The following PCDH9 variants were observed in gnomAD, a reference collection of about 807,000 sequenced individuals.
PCDH9 encodes the protein protocadherin-9.
A neutral mutation model predicts 70.6 loss-of-function variants in PCDH9; 24 were observed. The observed-to-expected ratio is 0.34, with a 90% confidence interval of 0.25 to 0.48. PCDH9 has a LOEUF of 0.48. PCDH9 is among the 20% of genes least tolerant of loss of function. The pLI is 0.99. For missense variants in PCDH9, 1,281 were observed against 1,503.6 expected (o/e 0.85, Z 2.45); for synonymous variants, 562 against 558.5 (o/e 1.01, Z -0.09).
intron 3 of PCDH9, among the ~76,000 whole-genome samples, chr13:66,895,352 A>G (rs2082160239): frequency 6.6e-6 from 1 of 152,216 alleles, no homozygotes; most frequent in South Asian, 2.1e-4. Context: ...ACTCAACATA[A>G]GCACACTTTT....
At chr13:67,158,934 C>G (rs1276936245) in intron 2 of PCDH9, among the ~76,000 whole-genome samples, 1 of 152,168 alleles carries the variant, frequency 6.6e-6, no homozygotes, top group Non-Finnish European at 1.5e-5. Flanking sequence ...GACGAAATAA[C>G]AGTCTCCCTG....
At chr13:66,570,810 G>T (rs1160800488) in intron 4 of PCDH9, among the ~76,000 whole-genome samples, 1 of 151,826 alleles carries the variant, frequency 6.6e-6, no homozygotes, top group Non-Finnish European at 1.5e-5. Context: ...ATTTAAAAAA[G>T]GTATTTATTT....
intron 2 of PCDH9, among the ~76,000 whole-genome samples, chr13:67,130,457 A>G (rs893516799): frequency 6.6e-6 from 1 of 152,132 alleles, no homozygotes; most frequent in African/African-American, 2.4e-5. Flanking sequence ...TATTGTTAGT[A>G]CAAACTGCAC....
At chr13:66,341,301 C>CCAGG (rs1395479025) in intron 4 of PCDH9, among the ~76,000 whole-genome samples, 1 of 152,022 alleles carries the variant, frequency 6.6e-6, no homozygotes, top group African/African-American at 2.4e-5. Context: ...ACTTTGTTAC[C>CCAGG]CAGGCTGCTC....
intron 3 of PCDH9, among the ~76,000 whole-genome samples, chr13:66,902,303 G>A (rs946603841): frequency 7.9e-5 from 12 of 151,370 alleles, no homozygotes; most frequent in Non-Finnish European, 1.8e-4. Context: ...GAGAATTAGG[G>A]GATAGAGCTG....
intron 3 of PCDH9, among the ~76,000 whole-genome samples, chr13:66,715,565 A>G (rs1360043705): frequency 4.6e-5 from 7 of 152,172 alleles, no homozygotes; most frequent in Non-Finnish European, 5.9e-5. Context: ...TAACTCCATA[A>G]TTTACATGGC....
intron 2 of PCDH9, among the ~76,000 whole-genome samples, chr13:66,962,410 CACTT>C (rs34820050): frequency 0.53 from 80,177 of 151,574 alleles, 21,560 homozygotes; most frequent in East Asian, 0.64. Flanking sequence ...AGTCATGTGT[CACTT>C]AATGAGGGTG....
chr13:66,521,080 A>T (rs1959966835), intron 4 of PCDH9, among the ~76,000 whole-genome samples: 1 of 152,172 alleles, frequency 6.6e-6, no homozygotes, highest in African/African-American at 2.4e-5. Context: ...TAGGCAGCCA[A>T]CAGCCTCCCC....
chr13:66,611,145 A>C (rs186184247), intron 4 of PCDH9, among the ~76,000 whole-genome samples: 1 of 152,314 alleles, frequency 6.6e-6, no homozygotes, highest in Admixed American at 6.5e-5. Flanking sequence ...CCAATGCCTG[A>C]ACTTTAGGAA....
At chr13:66,349,946 T>C (rs141866453) in intron 4 of PCDH9, among the ~76,000 whole-genome samples, 1 of 152,306 alleles carries the variant, frequency 6.6e-6, no homozygotes, top group East Asian at 1.9e-4. Flanking sequence ...GCTCACACTG[T>C]CATACTTCTC....
intron 2 of PCDH9, among the ~76,000 whole-genome samples, chr13:67,193,522 T>C (rs1241111960): frequency 1.3e-5 from 2 of 152,116 alleles, no homozygotes; most frequent in Non-Finnish European, 2.9e-5. Context: ...AAATCTTGCC[T>C]GAAATTAAAG....
At chr13:66,333,309 C>T (rs1300960772) in intron 4 of PCDH9, among the ~76,000 whole-genome samples, 1 of 152,128 alleles carries the variant, frequency 6.6e-6, no homozygotes, top group African/African-American at 2.4e-5. Context: ...CTGCATGAGA[C>T]ATCAGAAATC....
At chr13:67,179,956 T>C (rs1223311858) in intron 2 of PCDH9, among the ~76,000 whole-genome samples, 1 of 152,154 alleles carries the variant, frequency 6.6e-6, no homozygotes, top group Non-Finnish European at 1.5e-5. Context: ...TGATCTGTAT[T>C]TCAGGTACCC....
At chr13:66,824,695 T>C (rs1446397325) in intron 3 of PCDH9, among the ~76,000 whole-genome samples, 5 of 115,846 alleles carry the variant, frequency 4.3e-5, no homozygotes, top group Admixed American at 4.2e-4. Flanking sequence ...TATATATATA[T>C]ATGCACACAC....
intron 2 of PCDH9, among the ~76,000 whole-genome samples, chr13:67,157,682 A>T (rs1421008701): frequency 6.6e-6 from 1 of 152,220 alleles, no homozygotes; most frequent in Non-Finnish European, 1.5e-5. Flanking sequence ...AAAAAAATAC[A>T]TGTGAGTAAG....
rs1263909379 is a variant in PCDH9, at chr13:66,848,725, G to A, written c.3138+54779C>T. Among the ~76,000 whole-genome samples the A allele has an allele frequency of 3.3e-5, 5 of 151,942 alleles. No homozygotes were observed. In the South Asian group the frequency reaches 8.3e-4, roughly 25 times the overall value. On this transcript the variant is annotated intron_variant, in intron 3 of 4. Transcript: ENST00000377865. ...GGGCGGATCACGAGGTCATGAGAGC[G>A]AGACCATCCTGGCTAACACGGTGAA...
chr13:66,517,452 T>C (rs1959791683), intron 4 of PCDH9, among the ~76,000 whole-genome samples: 1 of 152,138 alleles, frequency 6.6e-6, no homozygotes, highest in African/African-American at 2.4e-5. Flanking sequence ...TTTTAGCTTT[T>C]CCAATGAAAC....
intron 2 of PCDH9, among the ~76,000 whole-genome samples, chr13:67,174,007 T>C (rs1454454105): frequency 1.3e-5 from 2 of 152,172 alleles, no homozygotes; most frequent in African/African-American, 4.8e-5. Flanking sequence ...TATTAAAGTT[T>C]ATAATTAATC....
intron 3 of PCDH9, among the ~76,000 whole-genome samples, chr13:66,705,493 T>C (rs978211004): frequency 1.3e-5 from 2 of 152,194 alleles, no homozygotes; most frequent in Non-Finnish European, 2.9e-5. Flanking sequence ...CCATCACACC[T>C]AAATAAAGTT....
Sources: gnomAD v4.1 joint callset for allele counts (sites outside exome capture counted in the v4.1 genomes callset) on GRCh38, gnomAD v4.1.1 for gene constraint, MANE v1.5 for transcripts, NCBI Gene and HGNC (gene_info 2026-07-23, HGNC 2026-07-21) for gene names.